The following SHROOM3 variants were observed in gnomAD, a reference collection of about 807,000 sequenced individuals.
The protein encoded by SHROOM3 is shroom family member 3, also known as protein Shroom3.
Under a neutral mutation model 138.6 loss-of-function variants are expected in SHROOM3, and 47 were observed. The observed-to-expected ratio is 0.34, with a 90% confidence interval of 0.27 to 0.43. SHROOM3 has a LOEUF of 0.43. Ranked by LOEUF, SHROOM3 falls within the 20% of genes least tolerant of loss-of-function variation. The pLI is 1.00. For synonymous variants in SHROOM3, 1,062 were observed against 1,063.3 expected, an observed-to-expected ratio of 1.00 and a Z score of 0.02; for missense variants, 2,491 against 2,596.5, an observed-to-expected ratio of 0.96 and a Z score of 0.88.
chr4:76,735,840 A>T (rs1462038822), intron 4 of SHROOM3, among the ~76,000 whole-genome samples: 2 of 74,528 alleles, frequency 2.7e-5, no homozygotes, highest in East Asian at 8.0e-4. Flanking sequence ...ACTCTATCTT[A>T]AAAAAAAAAA....
chr4:76,450,069 T>C lies in SHROOM3; in HGVS notation c.168+13849T>C, dbSNP rs756443648. On this transcript the variant is annotated intron_variant, in intron 1 of 10. Coordinates refer to ENST00000296043, the MANE Select transcript of SHROOM3 (RefSeq NM_020859.4). ...CAACTTAGTGTTCGTTTTAACTCCA[T>C]TGATTGCCGAACACATTCATGCCTG... is the stretch of plus-strand genomic sequence containing the variant. Among the ~76,000 whole-genome samples, 89 of 152,276 alleles carry C rather than the reference T, an allele frequency of 5.8e-4. No homozygotes were observed. In the Middle Eastern group the frequency reaches 0.027, roughly 47 times the overall value.
At chr4:76,567,499 A>C (rs1415511655) in intron 2 of SHROOM3, among the ~76,000 whole-genome samples, 1 of 152,042 alleles carries the variant, frequency 6.6e-6, no homozygotes, top group African/African-American at 2.4e-5. Flanking sequence ...AAATACAAAA[A>C]ATTAGCCGGG....
chr4:76,583,957 A>C (rs759768600), intron 2 of SHROOM3, among the ~76,000 whole-genome samples: 3 of 152,224 alleles, frequency 2.0e-5, no homozygotes, highest in Non-Finnish European at 4.4e-5. Context: ...TATTCATCTC[A>C]TAATTTGTGA....
intron 2 of SHROOM3, among the ~76,000 whole-genome samples, chr4:76,627,033 T>C (rs1735166154): frequency 6.6e-6 from 1 of 152,182 alleles, no homozygotes; most frequent in South Asian, 2.1e-4. Flanking sequence ...TGATTAGGAA[T>C]TGCCAAACAG....
chr4:76,749,852 C>A (rs1019033068), intron 6 of SHROOM3, among the ~76,000 whole-genome samples: 1 of 152,046 alleles, frequency 6.6e-6, no homozygotes, highest in Non-Finnish European at 1.5e-5. Flanking sequence ...ATTCTCTGAA[C>A]CATGTACTCT....
chr4:76,533,652 C>T (rs777468504), intron 1 of SHROOM3, among the ~76,000 whole-genome samples: 6 of 152,144 alleles, frequency 3.9e-5, no homozygotes, highest in Non-Finnish European at 7.4e-5. Context: ...AAGCAATACA[C>T]TATGAAAATG....
At chr4:76,545,410 A>G (rs1733193309) in intron 1 of SHROOM3, among the ~76,000 whole-genome samples, 1 of 152,176 alleles carries the variant, frequency 6.6e-6, no homozygotes, top group African/African-American at 2.4e-5. Context: ...GCTGCAGCTC[A>G]TTTGGATGGT....
At chr4:76,517,327 T>A (rs1732464065) in intron 1 of SHROOM3, among the ~76,000 whole-genome samples, 1 of 152,102 alleles carries the variant, frequency 6.6e-6, no homozygotes, top group Non-Finnish European at 1.5e-5. Flanking sequence ...ACCTGGACTA[T>A]CAAAGATACA....
At position 76,499,481 on chromosome 4, in the gene SHROOM3, G is replaced by C. The variant is rs149140934; in HGVS notation, c.169-56128G>C. Among the ~76,000 whole-genome samples, 131 of 152,314 alleles carry C rather than the reference G, an allele frequency of 8.6e-4. 2 individuals carry two copies. Among genetic ancestry groups the C allele is most frequent in the East Asian group, 6.4e-3 (33 of 5,192 alleles). ...TAAAATGTCAACCAATGGCAAACTT[G>C]TTTGAAGTAAATTTCAATATACTGA... On this transcript the variant is annotated intron_variant, in intron 1 of 10. Coordinates refer to ENST00000296043, the MANE Select transcript of SHROOM3 (RefSeq NM_020859.4).
rs1447158475 is a variant in SHROOM3, at chr4:76,741,936, A to G, written c.3753+10A>G. On this transcript the variant is annotated intron_variant, in intron 5 of 10. Transcript: ENST00000296043. This position sits in a 1 kb window ranked among gnomAD's most constrained non-coding sequence, Gnocchi z 6.2. ...CGCAGACAAGCGCCAGGTACGTGCA[A>G]CCAGCAAGTCCTGGCCTCGAACTGT... 6.2e-7 allele frequency: 1 copy of G among 1,611,398 alleles called. No individual in the cohort carries two copies. The highest frequency in any genetic ancestry group is 8.5e-7 in the Non-Finnish European group (1 of 1,179,620).
At chr4:76,528,173 G>T (rs531773045) in intron 1 of SHROOM3, among the ~76,000 whole-genome samples, 44 of 152,202 alleles carry the variant, frequency 2.9e-4, no homozygotes, top group African/African-American at 1.1e-3. Context: ...TGTCAAGTGA[G>T]CCAAGAAGTA....
Position 76,710,172 on chromosome 4 carries a change from C to A in SHROOM3, c.340C>A (p.Pro114Thr). 1 of 1,614,026 alleles carries A rather than the reference C, an allele frequency of 6.2e-7. No homozygotes were observed. Among genetic ancestry groups the A allele is most frequent in the Non-Finnish European group, 8.5e-7 (1 of 1,179,982 alleles). The part of the protein sequence containing the change: ...LVVRRDVCTD[P>T]GHADTGASNF... ...TGTTGACAGAGATGTGTGCACAGAC[C>A]CAGGCCATGCAGATACTGGTGCCTC... The change falls in exon 3 of 11, where the codon CCA becomes ACA. Residue 114 changes from proline to threonine, a missense_variant. By Grantham distance (38) the Pro-to-Thr change is conservative (BLOSUM62 -1). This residue lies in a region of SHROOM3 where 284 missense variants were observed against 322.8 expected (regional missense o/e 0.88). Transcript: ENST00000296043.
In SHROOM3 at chr4:76,435,283, C is replaced by G. The variant is rs1289335243; in HGVS notation, c.-770C>G. On this transcript the variant is annotated 5_prime_UTR_variant, in exon 1 of 11. It adds an upstream start codon to the 5' untranslated region. Coordinates refer to ENST00000296043, the MANE Select transcript of SHROOM3 (RefSeq NM_020859.4). ...TGTGGCGGCCGCAGCAGTGGCTGAT[C>G]ATCACTGAAAATACCAAAGAAAAGA... 6.6e-6 allele frequency: 1 copy of G among 152,246 alleles called. No homozygotes were observed. The highest frequency in any genetic ancestry group is 2.4e-5 in the African/African-American group (1 of 41,444). 9.4% of individuals were successfully genotyped at this position (152,246 alleles called of 1,614,324 possible).
intron 1 of SHROOM3, among the ~76,000 whole-genome samples, chr4:76,448,171 T>C (rs936301629): frequency 1.1e-4 from 17 of 152,324 alleles, no homozygotes; most frequent in African/African-American, 3.8e-4. Flanking sequence ...TGTTTTTATA[T>C]ATGAGGAAAG....
chr4:76,467,413 G>T (rs1483673551), intron 1 of SHROOM3, among the ~76,000 whole-genome samples: 1 of 152,022 alleles, frequency 6.6e-6, no homozygotes, highest in African/African-American at 2.4e-5. Context: ...GCCTGAAATC[G>T]CATGCGTTTG....
At chr4:76,437,559 C>T (rs1730587242) in intron 1 of SHROOM3, among the ~76,000 whole-genome samples, 1 of 152,122 alleles carries the variant, frequency 6.6e-6, no homozygotes, top group Admixed American at 6.5e-5. Context: ...CTTTTTGTTT[C>T]TCATTAGACC....
chr4:76,577,167 G>T (rs1174155366), intron 2 of SHROOM3, among the ~76,000 whole-genome samples: 1 of 152,224 alleles, frequency 6.6e-6, no homozygotes, highest in Non-Finnish European at 1.5e-5. Flanking sequence ...ATCGGTGTCA[G>T]TGTGTCTGTT....
intron 7 of SHROOM3, 62 bp from the exon 8 acceptor site, chr4:76,756,387 T>G: frequency 6.6e-7 from 1 of 1,526,080 alleles, no homozygotes; most frequent in Non-Finnish European, 8.9e-7. Context: ...TCATCACCCT[T>G]CTCTTATCAC....
intron 1 of SHROOM3, among the ~76,000 whole-genome samples, chr4:76,545,231 G>A (rs1241322034): frequency 6.6e-6 from 1 of 151,742 alleles, no homozygotes; most frequent in Non-Finnish European, 1.5e-5. Context: ...TTTCAGAATC[G>A]GCCACCTTGG....
Sources: gnomAD v4.1 joint callset for allele counts (sites outside exome capture counted in the v4.1 genomes callset) on GRCh38, gnomAD v4.1.1 for gene constraint, gnomAD v4.1.1 regional missense constraint, Gnocchi (gnomAD v3.1) non-coding constraint, MANE v1.5 for transcripts, NCBI Gene and HGNC (gene_info 2026-07-23, HGNC 2026-07-21) for gene names.